NRBF2: variants seen among roughly 807,000 people sequenced by gnomAD.
The protein encoded by NRBF2 is nuclear receptor binding factor 2, also known as nuclear receptor-binding factor 2.
Under a neutral mutation model 28.5 loss-of-function variants are expected in NRBF2, and 12 were observed. The observed-to-expected ratio is 0.42, with a 90% CI of 0.27 to 0.68. NRBF2 has a LOEUF of 0.68. Ranked by LOEUF, NRBF2 falls within the 30% of genes least tolerant of loss-of-function variation. NRBF2 has a pLI of 0.24. For synonymous variants in NRBF2, 102 were observed against 116.5 expected (o/e 0.88, Z 0.80); for missense variants, 274 against 333.5 (o/e 0.82, Z 1.39).
intron 1 of NRBF2, among the ~76,000 whole-genome samples, chr10:63,137,465 GT>G (rs1841393714): frequency 6.6e-6 from 1 of 152,206 alleles, no homozygotes; most frequent in Admixed American, 6.5e-5. Flanking sequence ...ATATGTGGCT[GT>G]TGCTCATGTT....
At chr10:63,139,225 G>A (rs1050378800) in intron 1 of NRBF2, among the ~76,000 whole-genome samples, 1 of 152,078 alleles carries the variant, frequency 6.6e-6, no homozygotes, top group Non-Finnish European at 1.5e-5. Flanking sequence ...GGTCTGGCTG[G>A]TCTCGAACTC....
intron 1 of NRBF2, among the ~76,000 whole-genome samples, chr10:63,134,841 G>A (rs1470727914): frequency 6.6e-6 from 1 of 152,228 alleles, no homozygotes; most frequent in Non-Finnish European, 1.5e-5. Flanking sequence ...CTTGCCCCAG[G>A]TGGTAGGTAT....
At chr10:63,145,101 CTTTTTTTTTTTTTT>C (rs34823556) in intron 1 of NRBF2, among the ~76,000 whole-genome samples, 2 of 85,910 alleles carry the variant, frequency 2.3e-5, no homozygotes, top group African/African-American at 1.0e-4. Flanking sequence ...TATATTAAAG[CTTTTTTTTTTTTTT>C]TTTTTTTTTG....
At chr10:63,142,780 C>CTTTCTTTTTTTTTTTTTTTTTTTTTT (rs1554821458) in intron 1 of NRBF2, among the ~76,000 whole-genome samples, 1 of 74,900 alleles carries the variant, frequency 1.3e-5, no homozygotes, top group African/African-American at 5.8e-5. Flanking sequence ...TTCTTTCTTT[C>CTTTCTTTTTTTTTTTTTTTTTTTTTT]TTTTTTTTTT....
chr10:63,147,267 T>G (rs950563163), intron 2 of NRBF2, among the ~76,000 whole-genome samples: 10 of 152,300 alleles, frequency 6.6e-5, no homozygotes, highest in African/African-American at 2.2e-4. Flanking sequence ...TGGATAAGTC[T>G]TCTTACTACA....
intron 1 of NRBF2, among the ~76,000 whole-genome samples, chr10:63,139,288 C>T (rs1841425794): frequency 6.6e-6 from 1 of 152,230 alleles, no homozygotes; most frequent in Non-Finnish European, 1.5e-5. Flanking sequence ...GCCTGGATTA[C>T]AGGCGTGAGC....
At chr10:63,138,009 C>T (rs2132677129) in intron 1 of NRBF2, among the ~76,000 whole-genome samples, 1 of 152,068 alleles carries the variant, frequency 6.6e-6, no homozygotes, top group South Asian at 2.1e-4. Context: ...CTTTGAAATG[C>T]AGGGTAAGTG....
intron 1 of NRBF2, among the ~76,000 whole-genome samples, chr10:63,140,157 A>G (rs905980722): frequency 6.6e-6 from 1 of 152,152 alleles, no homozygotes; most frequent in Non-Finnish European, 1.5e-5. Flanking sequence ...ACAGCAAGGA[A>G]ATCATAAGGA....
At chr10:63,140,240 C>T (rs1478874819) in intron 1 of NRBF2, among the ~76,000 whole-genome samples, 1 of 152,288 alleles carries the variant, frequency 6.6e-6, no homozygotes, top group East Asian at 1.9e-4. Flanking sequence ...AACGAATCAT[C>T]TGTCAGAAAT....
intron 1 of NRBF2, among the ~76,000 whole-genome samples, chr10:63,145,264 C>T (rs910710750): frequency 3.3e-5 from 5 of 151,968 alleles, no homozygotes; most frequent in Admixed American, 6.6e-5. Context: ...CCCGCAGAGA[C>T]GGTGTTTCAC....
intron 2 of NRBF2, among the ~76,000 whole-genome samples, chr10:63,149,911 C>T (rs879520159): frequency 5.3e-5 from 8 of 150,266 alleles, no homozygotes; most frequent in Non-Finnish European, 7.4e-5. Context: ...TGTATCAGAG[C>T]GGTAGCAGAG....
intron 1 of NRBF2, 80 bp from the exon 2 acceptor site, chr10:63,146,129 T>C (rs1841556747): frequency 9.6e-7 from 1 of 1,044,560 alleles, no homozygotes; most frequent in Non-Finnish European, 1.5e-6. Flanking sequence ...TTATTTATCT[T>C]CTTAAAAGGT....
chr10:63,133,678 A>G (rs556752182), intron 1 of NRBF2, among the ~76,000 whole-genome samples, 178 bp downstream of exon 1: 1 of 152,264 alleles, frequency 6.6e-6, no homozygotes, highest in South Asian at 2.1e-4. Context: ...CAGGCTAGCC[A>G]CTTCAGACTT....
At chr10:63,137,752 T>C (rs1424602482) in intron 1 of NRBF2, among the ~76,000 whole-genome samples, 1 of 152,152 alleles carries the variant, frequency 6.6e-6, no homozygotes, top group Non-Finnish European at 1.5e-5. Flanking sequence ...TTTAAAATCT[T>C]CAAGGTAAAA....
intron 1 of NRBF2, among the ~76,000 whole-genome samples, chr10:63,144,059 C>T (rs1012316735): frequency 6.6e-6 from 1 of 152,058 alleles, no homozygotes; most frequent in Non-Finnish European, 1.5e-5. Context: ...CACCCAGCCA[C>T]TTTTTACCTT....
intron 1 of NRBF2, among the ~76,000 whole-genome samples, chr10:63,134,098 G>A (rs1037127943): frequency 2.6e-5 from 4 of 151,130 alleles, no homozygotes; most frequent in Non-Finnish European, 5.9e-5. Flanking sequence ...GAGACAGCTG[G>A]GAAAAAGACA....
chr10:63,154,209 G>T lies in NRBF2; in HGVS notation c.855G>T (p.Met285Ile). The T allele has an allele frequency of 1.3e-6, 2 of 1,563,350 alleles. No homozygotes were observed. The highest frequency in any genetic ancestry group is 1.1e-5 in the South Asian group (1 of 87,262). The change falls in exon 4 of 4, where the codon ATG (methionine) becomes ATT (isoleucine). Residue 285 changes from methionine to isoleucine, a missense_variant. Transcript: ENST00000277746. Reference sequence around the variant, plus strand: ...CTGAGGATATTCTGAAAGGATTTATGAATAATTAAAATGGAAGGCCACAGA... The same window carrying T: ...CTGAGGATATTCTGAAAGGATTTATTAATAATTAAAATGGAAGGCCACAGA... ...ELSEDILKGF[M>I]NN
At chr10:63,143,032 C>T (rs1320983954) in intron 1 of NRBF2, among the ~76,000 whole-genome samples, 2 of 152,078 alleles carry the variant, frequency 1.3e-5, no homozygotes, top group Admixed American at 6.6e-5. Context: ...CTGCCTGCCT[C>T]AGCCTCCCAA....
At chr10:63,141,817 T>C (rs912666245) in intron 1 of NRBF2, among the ~76,000 whole-genome samples, 19 of 152,180 alleles carry the variant, frequency 1.2e-4, no homozygotes, top group Non-Finnish European at 2.2e-4. Flanking sequence ...AAGAACATAG[T>C]AGGAAATGTA....
Sources: gnomAD v4.1 joint callset for allele counts (sites outside exome capture counted in the v4.1 genomes callset) on GRCh38, gnomAD v4.1.1 for gene constraint, MANE v1.5 for transcripts, NCBI Gene and HGNC (gene_info 2026-07-23, HGNC 2026-07-21) for gene names.